TRHDE: variants seen among roughly 807,000 people sequenced by gnomAD.
TRHDE encodes the protein thyrotropin-releasing hormone-degrading ectoenzyme.
Under a neutral mutation model 125.7 loss-of-function variants are expected in TRHDE, and 72 were observed. The ratio of observed to expected loss-of-function variants is 0.57; its 90% CI spans 0.47 to 0.70. The LOEUF is 0.70. Ranked by LOEUF, TRHDE falls within the 30% of genes least tolerant of loss-of-function variation. The pLI, the probability that TRHDE is intolerant of heterozygous loss-of-function variation, is 0.00. For missense variants in TRHDE, 1,110 were observed against 1,327.1 expected (o/e 0.84, Z 2.54); for synonymous variants, 509 against 509.1 (o/e 1.00, Z 0.00).
intron 10 of TRHDE, among the ~76,000 whole-genome samples, chr12:72,572,468 A>T (rs1324247290): frequency 6.6e-6 from 1 of 152,118 alleles, no homozygotes; most frequent in African/African-American, 2.4e-5. Context: ...TCATTAGGCC[A>T]TTGGAAAAGA....
At chr12:72,535,339 C>A (rs1868799488) in intron 6 of TRHDE, among the ~76,000 whole-genome samples, 2 of 151,956 alleles carry the variant, frequency 1.3e-5, no homozygotes, top group African/African-American at 4.8e-5. Flanking sequence ...TAAAATTAGT[C>A]TGATGTGGCC....
At chr12:72,401,057 A>G (rs965702830) in intron 3 of TRHDE, among the ~76,000 whole-genome samples, 12 of 152,180 alleles carry the variant, frequency 7.9e-5, no homozygotes, top group Non-Finnish European at 4.4e-5. Flanking sequence ...CTCTTTATTC[A>G]GCTCTACTTG....
intron 17 of TRHDE, among the ~76,000 whole-genome samples, chr12:72,653,445 A>G (rs1592598093): frequency 6.6e-6 from 1 of 152,280 alleles, no homozygotes; most frequent in South Asian, 2.1e-4. Flanking sequence ...AAAGTTGAAG[A>G]CACTGTATCA....
chr12:72,415,581 C>G (rs909368227), intron 3 of TRHDE, among the ~76,000 whole-genome samples: 5 of 151,842 alleles, frequency 3.3e-5, no homozygotes, highest in Admixed American at 2.0e-4. Flanking sequence ...ATTCTACTGT[C>G]TCTCTCCATG....
chr12:72,463,890 G>A (rs77462042), intron 3 of TRHDE, among the ~76,000 whole-genome samples: 175 of 152,274 alleles, frequency 1.1e-3, no homozygotes, highest in Non-Finnish European at 2.1e-3. Context: ...ATTTCAGTTA[G>A]TATGTACTAT....
At chr12:72,250,554 CATTGTG>C (rs931268396) in intron 2 of TRHDE, among the ~76,000 whole-genome samples, 10 of 152,040 alleles carry the variant, frequency 6.6e-5, no homozygotes, top group African/African-American at 2.2e-4. Context: ...AAAGAGAACT[CATTGTG>C]TATAGTCAAA....
chr12:72,193,112 T>C (rs1424982963), intron 2 of TRHDE, among the ~76,000 whole-genome samples: 1 of 152,110 alleles, frequency 6.6e-6, no homozygotes, highest in East Asian at 1.9e-4. Context: ...AATTTTTGGC[T>C]AGTATCAGTA....
chr12:72,520,799 A>C (rs1246443893), intron 6 of TRHDE, among the ~76,000 whole-genome samples: 1 of 152,234 alleles, frequency 6.6e-6, no homozygotes, highest in African/African-American at 2.4e-5. Context: ...AGGTTCACGC[A>C]TCAACATAGC....
At position 72,570,868 on chromosome 12, in the gene TRHDE, C is replaced by G. The variant is rs142112119; in HGVS notation, c.2131+2212C>G. On this transcript the variant is annotated intron_variant, in intron 10 of 18. Transcript: ENST00000261180. ...CCTCACCCCAAAGTTGTGTAAGGTG[C>G]GACTTGGACATTTTAATGAAAAAGG... 2.3e-3 allele frequency among the ~76,000 whole-genome samples: 349 copies of G among 152,192 alleles called. 1 individual carries two copies. The highest frequency in any genetic ancestry group is 8.0e-3 in the African/African-American group (334 of 41,522).
chr12:72,653,692 C>G (rs1053276049), intron 17 of TRHDE, among the ~76,000 whole-genome samples: 5 of 151,996 alleles, frequency 3.3e-5, no homozygotes, highest in African/African-American at 1.2e-4. Flanking sequence ...GGTGAGAATT[C>G]TTTAGCCTCA....
intron 2 of TRHDE, among the ~76,000 whole-genome samples, chr12:72,362,771 T>A (rs1159129543): frequency 6.6e-6 from 1 of 152,116 alleles, no homozygotes; most frequent in Non-Finnish European, 1.5e-5. Flanking sequence ...CAGTTTCAGC[T>A]TTCTACATAT....
chr12:72,545,037 A>G (rs902946047), intron 7 of TRHDE, among the ~76,000 whole-genome samples: 1 of 151,484 alleles, frequency 6.6e-6, no homozygotes, highest in African/African-American at 2.4e-5. Context: ...TAGGAGAACA[A>G]TTTCTTACTG....
At chr12:72,196,082 A>G (rs114593427) in intron 2 of TRHDE, among the ~76,000 whole-genome samples, 4,586 of 152,148 alleles carry the variant, frequency 0.03, 124 homozygotes, top group African/African-American at 0.068. Context: ...TCATTGGTCT[A>G]TGTATCTGTT....
chr12:72,201,570 G>C (rs1471289675), intron 2 of TRHDE, among the ~76,000 whole-genome samples: 2 of 152,154 alleles, frequency 1.3e-5, no homozygotes, highest in Non-Finnish European at 2.9e-5. Flanking sequence ...GAGTGAAGTA[G>C]TTAACCTAAT....
At chr12:72,235,328 A>G (rs1878320158) in intron 2 of TRHDE, among the ~76,000 whole-genome samples, 1 of 152,190 alleles carries the variant, frequency 6.6e-6, no homozygotes, top group African/African-American at 2.4e-5. Flanking sequence ...TATTAACTGC[A>G]TGACATAGAT....
chr12:72,617,875 A>T (rs569889167), intron 12 of TRHDE, among the ~76,000 whole-genome samples: 2 of 152,176 alleles, frequency 1.3e-5, no homozygotes, highest in Non-Finnish European at 2.9e-5. Context: ...TAGAGCCCTC[A>T]TGACCTAATC....
intron 5 of TRHDE, among the ~76,000 whole-genome samples, chr12:72,486,986 A>T (rs1273297374): frequency 1.3e-5 from 2 of 152,162 alleles, no homozygotes; most frequent in African/African-American, 4.8e-5. Context: ...AATCAAATTT[A>T]TGGAGCTGTA....
At chr12:72,538,906 G>C (rs1470091514) in intron 6 of TRHDE, among the ~76,000 whole-genome samples, 1 of 151,450 alleles carries the variant, frequency 6.6e-6, no homozygotes. Flanking sequence ...CTTATCCCTG[G>C]TATTCAAAGT....
chr12:72,179,979 T>C (rs2139340778), intron 2 of TRHDE, among the ~76,000 whole-genome samples: 1 of 152,088 alleles, frequency 6.6e-6, no homozygotes, highest in East Asian at 1.9e-4. Flanking sequence ...ATGTAGCACA[T>C]GGTAGCTAAT....
Sources: allele counts gnomAD v4.1 joint callset (sites outside exome capture counted in the v4.1 genomes callset), GRCh38; gene constraint gnomAD v4.1.1; transcripts MANE v1.5; gene names NCBI Gene and HGNC (gene_info 2026-07-23, HGNC 2026-07-21).